ARRDC4: variants seen among roughly 807,000 people sequenced by gnomAD.
The protein encoded by ARRDC4 is arrestin domain containing 4, also known as arrestin domain-containing protein 4.
In ARRDC4, 40 loss-of-function variants were observed where a neutral mutation model predicts 44.6. The observed-to-expected ratio is 0.90, with a 90% confidence interval of 0.70 to 1.17. ARRDC4 has a LOEUF of 1.17. Among genes scored for constraint, ARRDC4 ranks in the 50% most tolerant of loss-of-function variants. The probability of loss-of-function intolerance (pLI) is 0.00; values close to 1 mark genes in which losing one functional copy is unlikely to be tolerated. For synonymous variants in ARRDC4, 211 were observed against 221.2 expected (o/e 0.95, Z 0.41); for missense variants, 550 against 559.1 (o/e 0.98, Z 0.16).
In ARRDC4 at chr15:97,960,775, G is replaced by A. The variant is rs1899292757; in HGVS notation, c.-87G>A. 1.7e-6 allele frequency: 2 copies of A among 1,191,510 alleles called. No individual in the cohort carries two copies. Among genetic ancestry groups the A allele is most frequent in the Admixed American group, 8.6e-5 (2 of 23,330 alleles). The allele number at this position is 1,191,510 out of a possible 1,614,324, so 73.8% of individuals were successfully genotyped here. A position where few individuals can be genotyped will look rare whatever the true frequency, so the allele number is the denominator to read the frequency against. On this transcript the variant is annotated 5_prime_UTR_variant, in exon 1 of 8. Coordinates refer to ENST00000268042, the MANE Select transcript of ARRDC4 (RefSeq NM_183376.3). ...CCGCGGCGGCCTTACCCTGCCGCGAGCGCCTGTGACAGCGGCGCCGCTGTG... is the reference window on the plus strand; with the variant it reads ...CCGCGGCGGCCTTACCCTGCCGCGAACGCCTGTGACAGCGGCGCCGCTGTG...
In ARRDC4 at chr15:97,971,570, A is replaced by G; in HGVS notation, c.*383A>G. The G allele has an allele frequency of 4.2e-6, 1 of 235,870 alleles. No individual in the cohort carries two copies. Among genetic ancestry groups the G allele is most frequent in the Non-Finnish European group, 8.4e-6 (1 of 118,368 alleles). The allele number at this position is 235,870 out of a possible 1,614,324, so 14.6% of individuals were successfully genotyped here. The stretch of plus-strand genomic sequence containing the variant: ...GTGGAACGAAGGCGATATGAACTGA[A>G]GGGGTGAAGACTTGATTTTGGAGAG... On this transcript the variant is annotated 3_prime_UTR_variant, in exon 8 of 8. Transcript: ENST00000268042.
chr15:97,970,388 CTAGAA>C lies in ARRDC4; in HGVS notation c.1046-195_1046-191del, dbSNP rs1204026532. On this transcript the variant is annotated intron_variant, in intron 6 of 7. Transcript: ENST00000268042. The surrounding 1 kb of genome is among the most constrained non-coding windows in gnomAD (Gnocchi z 4.2). The stretch of plus-strand genomic sequence containing the variant: ...ATTTGTTTACCTATATCTCAAGAGA[CTAGAA>C]TAGAAGCTATTAGTAGTAGTTTAAT... Among the ~76,000 whole-genome samples the C allele has an allele frequency of 2.0e-5, 3 of 152,084 alleles. No individual in the cohort carries two copies. Among genetic ancestry groups the C allele is most frequent in the Admixed American group, 6.6e-5 (1 of 15,252 alleles).
At chr15:97,961,869 T>A (rs1462045168) in intron 1 of ARRDC4, among the ~76,000 whole-genome samples, 2 of 152,134 alleles carry the variant, frequency 1.3e-5, no homozygotes, top group African/African-American at 2.4e-5. Flanking sequence ...GACAAGAGCA[T>A]CAGGGCGTGT....
rs1899407663 is a variant in ARRDC4 at position 97,965,736 on chromosome 15, G to C, written c.374+70G>C. ...TGTCCATTCAAGTTTATCACTGCTA[G>C]GTCTCTTCTGATTCTCAAGTATGCA... On this transcript the variant is annotated intron_variant, in intron 2 of 7. Coordinates refer to ENST00000268042, the MANE Select transcript of ARRDC4 (RefSeq NM_183376.3). This position sits in a 1 kb window ranked among gnomAD's most constrained non-coding sequence, Gnocchi z 5.1. 2.7e-6 allele frequency: 4 copies of C among 1,502,580 alleles called. No individual in the cohort carries two copies. Among genetic ancestry groups the C allele is most frequent in the Non-Finnish European group, 2.8e-6 (3 of 1,079,264 alleles). The allele number at this position is 1,502,580 out of a possible 1,614,324, so 93.1% of individuals were successfully genotyped here.
At position 97,969,217 on chromosome 15, in the gene ARRDC4, T is replaced by A. The variant is rs1460371166; in HGVS notation, c.720T>A (p.Ala240=). The change falls in exon 5 of 8, where the codon GCT becomes GCA. Residue 240 remains alanine (A), a synonymous_variant. Coordinates refer to ENST00000268042, the MANE Select transcript of ARRDC4 (RefSeq NM_183376.3). ...TTTTCCAAACGCAGACATATTTGGC[T>A]AGTGGAAAAACAAAGACCATTCGAC... ...AAIFQTQTYL[A]SGKTKTIRHM... is the part of the protein sequence containing the mutation. 2 of 1,613,940 alleles carry A rather than the reference T, an allele frequency of 1.2e-6. No homozygotes were observed. Among genetic ancestry groups the A allele is most frequent in the East Asian group, 4.5e-5 (2 of 44,880 alleles).
In ARRDC4 at chr15:97,966,349, C is replaced by G. The variant is rs1899419838; in HGVS notation, c.522+307C>G. 6.6e-6 allele frequency among the ~76,000 whole-genome samples: 1 copy of G among 152,142 alleles called. No individual in the cohort carries two copies. Among genetic ancestry groups the G allele is most frequent in the African/African-American group, 2.4e-5 (1 of 41,422 alleles). Reference sequence around the variant, plus strand: ...AGGCTTAATAACAATAATGCACACACAGAGAGTAGTTACTTTTACCAGAGT... The same window carrying G: ...AGGCTTAATAACAATAATGCACACAGAGAGAGTAGTTACTTTTACCAGAGT... On this transcript the variant is annotated intron_variant, in intron 3 of 7. Transcript: ENST00000268042. This position sits in a 1 kb window ranked among gnomAD's most constrained non-coding sequence, Gnocchi z 4.7.
chr15:97,971,050 C>T (rs1489859259), intron 7 of ARRDC4, 81 bp from the exon 8 acceptor site: 2 of 1,459,306 alleles, frequency 1.4e-6, no homozygotes, highest in African/African-American at 2.8e-5. Context: ...TGGCATATAA[C>T]CATCATATAA....
At chr15:97,962,966 C>CAACT in intron 1 of ARRDC4, among the ~76,000 whole-genome samples, 1 of 152,306 alleles carries the variant, frequency 6.6e-6, no homozygotes, top group East Asian at 1.9e-4. Context: ...TAATCTAATT[C>CAACT]AACTACTTGC....
At position 97,967,446 on chromosome 15, in the gene ARRDC4, C is replaced by T. The variant is rs375986802; in HGVS notation, c.523-568C>T. Among the ~76,000 whole-genome samples, 8 of 151,386 alleles carry T rather than the reference C, an allele frequency of 5.3e-5. No homozygotes were observed. The highest frequency in any genetic ancestry group is 1.0e-4 in the Non-Finnish European group (7 of 67,992). ...GGTATGTTTAATAAGCTTTTCAGAT[C>T]GGTTAACACTACACATGTTATTGCA... On this transcript the variant is annotated intron_variant, in intron 3 of 7. Coordinates refer to ENST00000268042, the MANE Select transcript of ARRDC4 (RefSeq NM_183376.3). The surrounding 1 kb of genome is among the most constrained non-coding windows in gnomAD (Gnocchi z 5.0).
At chr15:97,964,077 G>A (rs1026382669) in intron 1 of ARRDC4, among the ~76,000 whole-genome samples, 1 of 152,148 alleles carries the variant, frequency 6.6e-6, no homozygotes, top group Non-Finnish European at 1.5e-5. Flanking sequence ...TGACTTAAGT[G>A]GCAGGTGTGT....
At position 97,967,958 on chromosome 15, in the gene ARRDC4, T is replaced by A. The variant is rs559902738; in HGVS notation, c.523-56T>A. 3.3e-5 allele frequency: 37 copies of A among 1,120,772 alleles called. 1 individual carries two copies. In the South Asian group the frequency reaches 5.3e-4, roughly 16 times the overall value. The allele number at this position is 1,120,772 out of a possible 1,614,324, so 69.4% of individuals were successfully genotyped here. On this transcript the variant is annotated intron_variant, in intron 3 of 7. Transcript: ENST00000268042. The surrounding 1 kb of genome is among the most constrained non-coding windows in gnomAD (Gnocchi z 5.0). ...TGAAGATAGATATAATTTTAAGTTCTATGAGTTCTCTAGAGTGGCTTAATT... is the reference window on the plus strand; with the variant it reads ...TGAAGATAGATATAATTTTAAGTTCAATGAGTTCTCTAGAGTGGCTTAATT...
Position 97,970,770 on chromosome 15 carries a change from T to G in ARRDC4, c.1200+27T>G, listed in dbSNP as rs773812725. On this transcript the variant is annotated intron_variant, in intron 7 of 7. Transcript: ENST00000268042. The surrounding 1 kb of genome is among the most constrained non-coding windows in gnomAD (Gnocchi z 4.2). ...TAAGCAAAGCAAAAGAAAATTAGAC[T>G]TTTACTGTATTATTTTCAAATAATC... is the stretch of plus-strand genomic sequence containing the variant. 3 of 1,593,218 alleles carry G rather than the reference T, an allele frequency of 1.9e-6. No homozygotes were observed. The highest frequency in any genetic ancestry group is 2.6e-6 in the Non-Finnish European group (3 of 1,166,592).
chr15:97,965,471 T>A lies in ARRDC4; in HGVS notation c.308-129T>A. ...TTCAAACTTAATTCTCTACATTTGT[T>A]TAATGAACTTTTGGAGTATGCTGCA... On this transcript the variant is annotated intron_variant, in intron 1 of 7. Transcript: ENST00000268042. This position sits in a 1 kb window ranked among gnomAD's most constrained non-coding sequence, Gnocchi z 5.1. 1.4e-6 allele frequency: 1 copy of A among 739,928 alleles called. No individual in the cohort carries two copies. The highest frequency in any genetic ancestry group is 2.2e-5 in the Admixed American group (1 of 44,462). The allele number at this position is 739,928 out of a possible 1,614,324, so 45.8% of individuals were successfully genotyped here.
In ARRDC4 at chr15:97,966,001, C is replaced by T; in HGVS notation, c.481C>T (p.Gln161Ter). Residue 161 changes from glutamine (Q) to a stop codon, truncating the protein, a stop_gained, in exon 3 of 8, where the codon CAG (glutamine) becomes TAG (stop). Coordinates refer to ENST00000268042, the MANE Select transcript of ARRDC4 (RefSeq NM_183376.3). LOFTEE classifies it high-confidence loss of function. This position sits in a 1 kb window ranked among gnomAD's most constrained non-coding sequence, Gnocchi z 4.7. Reference sequence around the variant, plus strand: ...TGATCAGAGTGTAAAGCGGGAACTCCAGGTTGTTAGTCATGTCGATGTCAA... The same window carrying T: ...TGATCAGAGTGTAAAGCGGGAACTCTAGGTTGTTAGTCATGTCGATGTCAA... ...VPDQSVKREL[Q>*]VVSHVDVNTP... 3 of 1,614,104 alleles carry T rather than the reference C, an allele frequency of 1.9e-6. No homozygotes were observed. Among genetic ancestry groups the T allele is most frequent in the Non-Finnish European group, 2.5e-6 (3 of 1,180,022 alleles).
chr15:97,960,929 T>C lies in ARRDC4; in HGVS notation c.68T>C (p.Val23Ala), dbSNP rs1899299266. ...AEGRVKSLGL[V>A]FEDERKGCYS... ...GGCCGCGTGAAGAGCCTGGGTCTGGTGTTCGAGGACGAGCGCAAGGGCTGC... is the reference window on the plus strand; with the variant it reads ...GGCCGCGTGAAGAGCCTGGGTCTGGCGTTCGAGGACGAGCGCAAGGGCTGC... The change falls in exon 1 of 8, where the codon GTG becomes GCG. Residue 23 changes from valine to alanine, a missense_variant. Coordinates refer to ENST00000268042, the MANE Select transcript of ARRDC4 (RefSeq NM_183376.3). 2 of 1,463,938 alleles carry C rather than the reference T, an allele frequency of 1.4e-6. No homozygotes were observed. The highest frequency in any genetic ancestry group is 9.1e-7 in the Non-Finnish European group (1 of 1,104,442). 90.7% of individuals were successfully genotyped at this position (1,463,938 alleles called of 1,614,324 possible). A position where few individuals can be genotyped will look rare whatever the true frequency, so the allele number is the denominator to read the frequency against.
chr15:97,965,649 C>G lies in ARRDC4; in HGVS notation c.357C>G (p.Arg119=), dbSNP rs1262867720. The G allele has an allele frequency of 6.2e-7, 1 of 1,613,464 alleles. No homozygotes were observed. The highest frequency in any genetic ancestry group is 1.1e-5 in the South Asian group (1 of 91,060). Residue 119 remains arginine, a synonymous_variant, in exon 2 of 8, where the codon CGC becomes CGG. Coordinates refer to ENST00000268042, the MANE Select transcript of ARRDC4 (RefSeq NM_183376.3). This position sits in a 1 kb window ranked among gnomAD's most constrained non-coding sequence, Gnocchi z 5.1. The stretch of plus-strand genomic sequence containing the variant: ...CTGGAAAACATGAATTTCCATTTCG[C>G]TTTCAACTTCCATCTGAGTAAGTGA... The part of the protein sequence containing the change: ...LQPGKHEFPF[R]FQLPSEPLVT...
In ARRDC4 at chr15:97,967,897, G is replaced by C. The variant is rs76928444; in HGVS notation, c.523-117G>C. 2.4e-3 allele frequency: 1,409 copies of C among 595,304 alleles called. 20 individuals are homozygous for C. The African/African-American group carries it at 0.024, about 10-fold the overall frequency. The allele number at this position is 595,304 out of a possible 1,614,324, so 36.9% of individuals were successfully genotyped here. ...ATGTTACATGAGGATAAGAAAGTTT[G>C]ATTCATTTTTTTGGTATTTCCTTAC... is the stretch of plus-strand genomic sequence containing the variant. On this transcript the variant is annotated intron_variant, in intron 3 of 7. Transcript: ENST00000268042. This position sits in a 1 kb window ranked among gnomAD's most constrained non-coding sequence, Gnocchi z 5.0.
chr15:97,960,745 G>T lies in ARRDC4; in HGVS notation c.-117G>T. The T allele has an allele frequency of 1.1e-6, 1 of 942,748 alleles. No individual in the cohort carries two copies. The highest frequency in any genetic ancestry group is 3.8e-4 in the Middle Eastern group (1 of 2,636). 58.4% of individuals were successfully genotyped at this position (942,748 alleles called of 1,614,324 possible). ...GCCGGTGCCCCATCGGGTACCGCAC[G>T]GCTGCCGCGGCGGCCTTACCCTGCC... On this transcript the variant is annotated 5_prime_UTR_variant, in exon 1 of 8. Transcript: ENST00000268042.
At position 97,961,163 on chromosome 15, in the gene ARRDC4, C is replaced by T. The variant is rs1200250453; in HGVS notation, c.302C>T (p.Pro101Leu). 5.6e-6 allele frequency: 8 copies of T among 1,433,426 alleles called. No individual in the cohort carries two copies. Among genetic ancestry groups the T allele is most frequent in the Non-Finnish European group, 7.2e-6 (8 of 1,104,156 alleles). 88.8% of individuals were successfully genotyped at this position (1,433,426 alleles called of 1,614,324 possible). The change falls in exon 1 of 8, where the codon CCG (proline) becomes CTG (leucine). Residue 101 changes from proline to leucine, a missense_variant. Physicochemically the swap from Pro to Leu is moderately conservative, Grantham distance 98. Transcript: ENST00000268042. ...LNVRLSLREPPAGEGIILLQP... is the reference protein window; with the variant it reads ...LNVRLSLREPLAGEGIILLQP... ...GTGCGCCTCAGCCTGCGGGAGCCCC[C>T]GGCCGGTAAGCGCAGGCGAGCGCCT...
Sources: gnomAD v4.1 joint callset for allele counts (sites outside exome capture counted in the v4.1 genomes callset) on GRCh38, gnomAD v4.1.1 for gene constraint, Gnocchi (gnomAD v3.1) non-coding constraint, MANE v1.5 for transcripts, NCBI Gene and HGNC (gene_info 2026-07-23, HGNC 2026-07-21) for gene names.